The following TENM2 variants were observed in gnomAD, a reference collection of about 807,000 sequenced individuals.
TENM2 encodes the protein teneurin transmembrane protein 2.
In TENM2, 52 loss-of-function variants were observed where a neutral mutation model predicts 245.2. The observed-to-expected ratio is 0.21, with a 90% CI of 0.17 to 0.27. The LOEUF (loss-of-function observed/expected upper bound fraction) is 0.27, where lower values mean the gene tolerates loss of function less well. Ranked by LOEUF, TENM2 falls within the 10% of genes least tolerant of loss-of-function variation. The probability of loss-of-function intolerance (pLI) is 1.00; values close to 1 mark genes in which losing one functional copy is unlikely to be tolerated. For missense variants in TENM2, 3,046 were observed against 3,666.8 expected (o/e 0.83, Z 4.37); for synonymous variants, 1,363 against 1,438.9 (o/e 0.95, Z 1.19).
At chr5:167,983,539 C>T (rs1259726962) in intron 4 of TENM2, among the ~76,000 whole-genome samples, 2 of 152,084 alleles carry the variant, frequency 1.3e-5, no homozygotes, top group East Asian at 1.9e-4. Context: ...CCCTATGAGC[C>T]GAAAGGTTCA....
intron 4 of TENM2, among the ~76,000 whole-genome samples, chr5:167,953,134 A>G (rs1780253063): frequency 6.6e-6 from 1 of 152,240 alleles, no homozygotes; most frequent in South Asian, 2.1e-4. Context: ...TTATAAGGGT[A>G]TATTGACTGA....
chr5:167,575,132 A>G (rs1209944168), intron 2 of TENM2, among the ~76,000 whole-genome samples: 2 of 151,328 alleles, frequency 1.3e-5, no homozygotes, highest in African/African-American at 2.4e-5. Flanking sequence ...AAAAAAAAAA[A>G]CAACCCAAAC....
chr5:167,116,884 T>A, the TENM2 span, among the ~76,000 whole-genome samples: 1 of 152,232 alleles, frequency 6.6e-6, no homozygotes, highest in African/African-American at 2.4e-5. Context: ...TATCTTGTCT[T>A]TGAAATTACT....
At chr5:167,338,276 TC>T (rs924906578) in intron 1 of TENM2, among the ~76,000 whole-genome samples, 10 of 152,338 alleles carry the variant, frequency 6.6e-5, no homozygotes, top group African/African-American at 2.4e-4. Flanking sequence ...TTTATTTATT[TC>T]CCCACCCCAT....
chr5:167,104,437 C>T, the TENM2 span, among the ~76,000 whole-genome samples: 1 of 152,118 alleles, frequency 6.6e-6, no homozygotes, highest in South Asian at 2.1e-4. Flanking sequence ...TAATTTAATA[C>T]ATACATCAGG....
At chr5:168,129,159 T>G (rs1293130943) in intron 12 of TENM2, 1 of 152,030 alleles carries the variant, frequency 6.6e-6, no homozygotes, top group Non-Finnish European at 1.5e-5. Context: ...TCCGGGGCCC[T>G]TGAAAAAGAG....
intron 2 of TENM2, among the ~76,000 whole-genome samples, chr5:167,619,948 G>A (rs1051827320): frequency 4.6e-5 from 7 of 152,166 alleles, no homozygotes; most frequent in Non-Finnish European, 7.4e-5. Context: ...CACTAATGTG[G>A]TCCATACTGA....
chr5:167,426,583 T>G (rs1181593624), intron 2 of TENM2, among the ~76,000 whole-genome samples: 1 of 151,880 alleles, frequency 6.6e-6, no homozygotes, highest in Admixed American at 6.6e-5. Context: ...ATTTAAGCAT[T>G]TTGGTAATGC....
At chr5:167,807,135 AAAAAAAAAAAAAAAAAAAAAAG>A (rs1228086200) in intron 2 of TENM2, among the ~76,000 whole-genome samples, 1 of 129,478 alleles carries the variant, frequency 7.7e-6, no homozygotes, top group Non-Finnish European at 1.7e-5. Context: ...AAAAAAAAAA[AAAAAAAAAAAAAAAAAAAAAAG>A]AAGAAGAAGA....
At chr5:166,990,904 G>A in the TENM2 span, among the ~76,000 whole-genome samples, 22 of 152,142 alleles carry the variant, frequency 1.4e-4, no homozygotes, top group African/African-American at 5.1e-4. Context: ...GGCATGAGGT[G>A]TAAAAGTCTG....
intron 7 of TENM2, among the ~76,000 whole-genome samples, chr5:168,080,878 G>T (rs1187070143): frequency 6.6e-6 from 1 of 152,200 alleles, no homozygotes; most frequent in African/African-American, 2.4e-5. Flanking sequence ...GAATAAGTGT[G>T]ATGTGATGCT....
intron 1 of TENM2, among the ~76,000 whole-genome samples, chr5:167,355,671 C>T (rs1450304526): frequency 1.3e-5 from 2 of 152,110 alleles, no homozygotes; most frequent in Non-Finnish European, 2.9e-5. Context: ...TGTGGCTTCT[C>T]AGATGAAAGC....
At chr5:167,419,505 G>C (rs990257048) in intron 2 of TENM2, among the ~76,000 whole-genome samples, 2 of 152,056 alleles carry the variant, frequency 1.3e-5, no homozygotes, top group Non-Finnish European at 1.5e-5. Context: ...TGGGCAGATG[G>C]GTATTTAGAA....
intron 1 of TENM2, among the ~76,000 whole-genome samples, chr5:167,358,032 C>T (rs1759458120): frequency 6.6e-6 from 1 of 152,210 alleles, no homozygotes; most frequent in Admixed American, 6.5e-5. Context: ...AGAGGTTGCT[C>T]CAGGAATTCT....
intron 12 of TENM2, among the ~76,000 whole-genome samples, chr5:168,133,618 G>A (rs891318155): frequency 7.2e-5 from 11 of 152,196 alleles, no homozygotes; most frequent in Admixed American, 6.5e-4. Context: ...TTGAATTATT[G>A]AGGATAGTGA....
the TENM2 span, among the ~76,000 whole-genome samples, chr5:167,059,537 A>G: frequency 5.9e-5 from 9 of 152,236 alleles, no homozygotes; most frequent in African/African-American, 2.2e-4. Context: ...TTATGTAGAA[A>G]TATACACACA....
At chr5:168,016,514 A>G (rs1190615030) in intron 5 of TENM2, among the ~76,000 whole-genome samples, 2 of 152,248 alleles carry the variant, frequency 1.3e-5, no homozygotes, top group African/African-American at 4.8e-5. Context: ...CTAAGAGTAA[A>G]ACAATTAGTG....
intron 2 of TENM2, among the ~76,000 whole-genome samples, chr5:167,471,578 G>A (rs1767031648): frequency 6.6e-6 from 1 of 152,162 alleles, no homozygotes; most frequent in Admixed American, 6.5e-5. Context: ...AATTTGATAA[G>A]ATAATTGCAA....
At chr5:167,003,384 T>C in the TENM2 span, among the ~76,000 whole-genome samples, 2 of 152,158 alleles carry the variant, frequency 1.3e-5, no homozygotes, top group African/African-American at 4.8e-5. Context: ...ATTTGAATAA[T>C]TGGGGGAAGG....
Sources: gnomAD v4.1 joint callset for allele counts (sites outside exome capture counted in the v4.1 genomes callset) on GRCh38, gnomAD v4.1.1 for gene constraint, MANE v1.5 for transcripts, NCBI Gene and HGNC (gene_info 2026-07-23, HGNC 2026-07-21) for gene names.